The following SKAP1 variants were observed in gnomAD, a reference collection of about 807,000 sequenced individuals.
SKAP1 encodes src kinase-associated phosphoprotein 1.
SKAP1 carries 44 observed loss-of-function variants against 58.5 expected under a neutral mutation model. The observed-to-expected ratio is 0.75, with a 90% CI of 0.59 to 0.97. The LOEUF (loss-of-function observed/expected upper bound fraction) is 0.97. Ranked by LOEUF, SKAP1 falls within the 50% of genes least tolerant of loss-of-function variation. The probability of loss-of-function intolerance (pLI) is 0.00; values close to 1 mark genes in which losing one functional copy is unlikely to be tolerated. For synonymous variants in SKAP1, 127 were observed against 149.7 expected, an observed-to-expected ratio of 0.85 and a Z score of 1.11; for missense variants, 390 against 435.2, an observed-to-expected ratio of 0.90 and a Z score of 0.92.
intron 4 of SKAP1, among the ~76,000 whole-genome samples, chr17:48,331,849 A>T (rs2066511562): frequency 6.6e-6 from 1 of 152,196 alleles, no homozygotes; most frequent in Admixed American, 6.5e-5. Context: ...GGAAGGAGAA[A>T]ATATGTTCAT....
In SKAP1 at chr17:48,413,522, A is replaced by AT. The variant is rs2067692534; in HGVS notation, c.46+16552_46+16553insA. Reference sequence around the variant, plus strand: ...AGAGCAAAACTCCGTCTCAAAAAAAAAATATATATATATATATATATTTGC... The same window carrying AT: ...AGAGCAAAACTCCGTCTCAAAAAAAATAATATATATATATATATATATTTGC... On this transcript the variant is annotated intron_variant, in intron 1 of 12. Transcript: ENST00000336915. Among the ~76,000 whole-genome samples the AT allele has an allele frequency of 4.5e-5, 6 of 132,466 alleles. 1 individual carries two copies. The highest frequency in any genetic ancestry group is 2.0e-4 in the East Asian group (1 of 4,980). The allele number at this position is 132,466 out of a possible 152,430, so 86.9% of individuals were successfully genotyped here.
chr17:48,396,813 A>G (rs1436130609), intron 1 of SKAP1, 28 bp from the exon 2 acceptor site: 1 of 1,533,382 alleles, frequency 6.5e-7, no homozygotes, highest in African/African-American at 1.4e-5. Flanking sequence ...TTGATAAAAC[A>G]GAAAAGATGT....
At chr17:48,232,573 A>T (rs2065137285) in intron 4 of SKAP1, among the ~76,000 whole-genome samples, 1 of 152,214 alleles carries the variant, frequency 6.6e-6, no homozygotes, top group Admixed American at 6.5e-5. Context: ...TATTGGCAGC[A>T]TAAAGTATAT....
intron 11 of SKAP1, among the ~76,000 whole-genome samples, chr17:48,160,687 G>C (rs1598382106): frequency 6.6e-6 from 1 of 152,104 alleles, no homozygotes; most frequent in Non-Finnish European, 1.5e-5. Context: ...CAGAGAGAAG[G>C]CCAGCAGCCA....
chr17:48,355,702 C>T (rs770024207), intron 3 of SKAP1, among the ~76,000 whole-genome samples: 1 of 152,122 alleles, frequency 6.6e-6, no homozygotes, highest in Non-Finnish European at 1.5e-5. Flanking sequence ...TGGCACATGC[C>T]TGTAATCTCA....
chr17:48,162,659 G>T, intron 10 of SKAP1, 90 bp from the exon 11 acceptor site: 1 of 902,758 alleles, frequency 1.1e-6, no homozygotes. Context: ...CCAGGGTTCT[G>T]ATATTGCCCC....
chr17:48,268,294 T>A (rs117006956), intron 4 of SKAP1, among the ~76,000 whole-genome samples: 310 of 151,662 alleles, frequency 2.0e-3, no homozygotes, highest in Non-Finnish European at 2.8e-3. Flanking sequence ...CACACCTGTG[T>A]TACATATTGT....
intron 9 of SKAP1, among the ~76,000 whole-genome samples, chr17:48,175,803 G>C (rs957153559): frequency 6.6e-6 from 1 of 152,188 alleles, no homozygotes; most frequent in African/African-American, 2.4e-5. Context: ...TCAGGGGGAT[G>C]GTCTAGGTAG....
Position 48,407,044 on chromosome 17 carries a change from T to C in SKAP1, c.47-10259A>G, listed in dbSNP as rs562582505. On this transcript the variant is annotated intron_variant, in intron 1 of 12. Transcript: ENST00000336915. ...ACAGTGAAATAAAACCAGAACTTGATATTAAAAAGAGTAAACAAACCCCTC... is the reference window on the plus strand; with the variant it reads ...ACAGTGAAATAAAACCAGAACTTGACATTAAAAAGAGTAAACAAACCCCTC... Among the ~76,000 whole-genome samples, 9 of 152,276 alleles carry C rather than the reference T, an allele frequency of 5.9e-5. No homozygotes were observed. The South Asian group carries it at 1.0e-3, about 18-fold the overall frequency.
At chr17:48,170,573 C>A in intron 10 of SKAP1, 36 bp downstream of exon 10, 2 of 1,580,834 alleles carry the variant, frequency 1.3e-6, no homozygotes, top group Non-Finnish European at 1.7e-6. Context: ...CCCATAATGT[C>A]CTACCCAGTG....
intron 4 of SKAP1, among the ~76,000 whole-genome samples, chr17:48,295,915 CATATA>C (rs2065963489): frequency 6.6e-6 from 1 of 151,650 alleles, no homozygotes; most frequent in Non-Finnish European, 1.5e-5. Context: ...TTTATGTAAA[CATATA>C]ATATATGCAA....
At chr17:48,336,015 C>G (rs1375082148) in intron 4 of SKAP1, among the ~76,000 whole-genome samples, 1 of 152,110 alleles carries the variant, frequency 6.6e-6, no homozygotes, top group Non-Finnish European at 1.5e-5. Flanking sequence ...TAGCCTTCCT[C>G]TTCACTAAAG....
chr17:48,176,053 C>A (rs1294280533), intron 9 of SKAP1, among the ~76,000 whole-genome samples: 1 of 152,168 alleles, frequency 6.6e-6, no homozygotes, highest in African/African-American at 2.4e-5. Flanking sequence ...AACAACTGTA[C>A]AGGGGGAAAA....
At chr17:48,194,354 C>A (rs759032998) in intron 4 of SKAP1, among the ~76,000 whole-genome samples, 9 of 152,218 alleles carry the variant, frequency 5.9e-5, no homozygotes, top group Admixed American at 3.9e-4. Flanking sequence ...GATTCCATCT[C>A]TCAATGCTAA....
intron 4 of SKAP1, among the ~76,000 whole-genome samples, chr17:48,335,066 A>G (rs1365623624): frequency 1.3e-5 from 2 of 151,822 alleles, no homozygotes; most frequent in African/African-American, 4.8e-5. Context: ...TTGTTCTGCT[A>G]TGTCTATATC....
At position 48,180,208 on chromosome 17, in the gene SKAP1, C is replaced by G. The variant is rs1190968672; in HGVS notation, c.672G>C (p.Glu224Asp). The change falls in exon 9 of 13, where the codon GAG (glutamate) becomes GAC (aspartate). Residue 224 changes from glutamate (E) to aspartate (D), a missense_variant. By Grantham distance (45) the Glu-to-Asp change is conservative. Coordinates refer to ENST00000336915, the MANE Select transcript of SKAP1 (RefSeq NM_003726.4). ...CATATGTCTCTTCTTTTTCTTCTTC[C>G]TCCTCATCCTCTTCATATGGAATGG... ...SLTIPYEEDE[E>D]EEEKEETYDD... 6.2e-7 allele frequency: 1 copy of G among 1,607,454 alleles called. No homozygotes were observed. The highest frequency in any genetic ancestry group is 1.3e-5 in the African/African-American group (1 of 74,792).
At chr17:48,225,376 G>A (rs976374557) in intron 4 of SKAP1, among the ~76,000 whole-genome samples, 1 of 152,078 alleles carries the variant, frequency 6.6e-6, no homozygotes, top group African/African-American at 2.4e-5. Context: ...AAGTAGATTT[G>A]GGTATATAGG....
intron 2 of SKAP1, among the ~76,000 whole-genome samples, chr17:48,387,480 T>C (rs1161040447): frequency 6.6e-6 from 1 of 152,222 alleles, no homozygotes; most frequent in African/African-American, 2.4e-5. Context: ...AGAACTAAGA[T>C]ACCTTCATGT....
intron 4 of SKAP1, among the ~76,000 whole-genome samples, chr17:48,276,768 A>G (rs2065706218): frequency 6.6e-6 from 1 of 152,242 alleles, no homozygotes; most frequent in Non-Finnish European, 1.5e-5. Context: ...CTGAGGTATC[A>G]TCAGTACTTT....
Sources: allele counts gnomAD v4.1 joint callset (sites outside exome capture counted in the v4.1 genomes callset), GRCh38; gene constraint gnomAD v4.1.1; transcripts MANE v1.5; gene names NCBI Gene and HGNC (gene_info 2026-07-23, HGNC 2026-07-21).